Variants in MAST4 observed in about 807,000 individuals in gnomAD.
MAST4 encodes the protein microtubule-associated serine/threonine-protein kinase 4.
MAST4 carries 89 observed loss-of-function variants against 162.7 expected under a neutral mutation model. The observed-to-expected ratio is 0.55, with a 90% confidence interval of 0.46 to 0.65. The LOEUF (loss-of-function observed/expected upper bound fraction) is 0.65. Ranked by LOEUF, MAST4 falls within the 30% of genes least tolerant of loss-of-function variation. The probability of loss-of-function intolerance (pLI) is 0.00; values close to 1 mark genes in which losing one functional copy is unlikely to be tolerated. For synonymous variants in MAST4, 1,479 were observed against 1,361.1 expected (o/e 1.09, Z -1.91); for missense variants, 3,153 against 3,374.0 (o/e 0.93, Z 1.62).
rs568350401 is a variant in MAST4 at position 66,946,355 on chromosome 5, C to T, written c.674+46373C>T. Among the ~76,000 whole-genome samples the T allele has an allele frequency of 2.6e-5, 4 of 152,220 alleles. No individual in the cohort carries two copies. In the East Asian group the frequency reaches 7.7e-4, roughly 29 times the overall value. On this transcript the variant is annotated intron_variant, in intron 4 of 28. Coordinates refer to ENST00000403625, the MANE Select transcript of MAST4 (RefSeq NM_001164664.2). ...GAAATTATTGAACTTCTTTATAGCT[C>T]TTACGAACAAGATATTGATGTTTGC... is the stretch of plus-strand genomic sequence containing the variant.
At chr5:67,114,266 C>T (rs527372562) in intron 12 of MAST4, 47 bp downstream of exon 12, 33 of 1,573,982 alleles carry the variant, frequency 2.1e-5, no homozygotes, top group Admixed American at 1.0e-4. Context: ...TATGCACTGT[C>T]GCCTCATAGA....
chr5:66,811,113 A>C (rs74409946), intron 3 of MAST4, among the ~76,000 whole-genome samples: 7,367 of 152,196 alleles, frequency 0.048, 270 homozygotes, highest in South Asian at 0.13. Flanking sequence ...GAAGTGGCTC[A>C]TGTTGGCCTC....
chr5:66,815,567 G>GT (rs1402268844), intron 3 of MAST4, among the ~76,000 whole-genome samples: 2 of 152,212 alleles, frequency 1.3e-5, no homozygotes, highest in Non-Finnish European at 2.9e-5. Flanking sequence ...TCCCTGGAGT[G>GT]TAAGGGGAGA....
chr5:66,887,256 C>T (rs1179763704), intron 3 of MAST4, among the ~76,000 whole-genome samples: 3 of 152,132 alleles, frequency 2.0e-5, no homozygotes, highest in Admixed American at 1.3e-4. Context: ...GTTTTCAAGG[C>T]TTTTGTTTCT....
At chr5:67,142,359 T>G in intron 20 of MAST4, 62 bp from the exon 21 acceptor site, 2 of 1,512,626 alleles carry the variant, frequency 1.3e-6, no homozygotes, top group African/African-American at 1.4e-5. Flanking sequence ...AAAATCATAA[T>G]TAAAATATCT....
At chr5:66,788,607 C>CCCAGCAAAAAAAAAACAAA in intron 2 of MAST4, 63 bp from the exon 3 acceptor site, 1 of 1,373,728 alleles carries the variant, frequency 7.3e-7, no homozygotes, top group Non-Finnish European at 1.0e-6. Flanking sequence ...CCCCCACCCC[C>CCCAGCAAAAAAAAAACAAA]ATTGCAATAA....
At chr5:66,911,382 A>C (rs1580847926) in intron 4 of MAST4, among the ~76,000 whole-genome samples, 1 of 152,156 alleles carries the variant, frequency 6.6e-6, no homozygotes, top group East Asian at 1.9e-4. Flanking sequence ...GACATATTTA[A>C]AACTTTTTTT....
At position 67,166,076 on chromosome 5, in the gene MAST4, G is replaced by A. The variant is rs781119007; in HGVS notation, c.6897G>A (p.Glu2299=). The A allele has an allele frequency of 1.2e-6, 2 of 1,613,410 alleles. No individual in the cohort carries two copies. The highest frequency in any genetic ancestry group is 1.7e-6 in the Non-Finnish European group (2 of 1,179,696). ...TSGGRPLEVL[E]KPVHLPRPGH... ...GTGGGCGGCCCCTGGAGGTGCTGGAGAAGCCTGTGCATTTGCCAAGGCCGG... is the reference window on the plus strand; with the variant it reads ...GTGGGCGGCCCCTGGAGGTGCTGGAAAAGCCTGTGCATTTGCCAAGGCCGG... The change falls in exon 29 of 29, where the codon GAG becomes GAA. Residue 2299 remains glutamate (E), a synonymous_variant. Coordinates refer to ENST00000403625, the MANE Select transcript of MAST4 (RefSeq NM_001164664.2).
At chr5:67,125,397 CCCCTAG>C (rs1463657307) in intron 14 of MAST4, among the ~76,000 whole-genome samples, 1 of 151,994 alleles carries the variant, frequency 6.6e-6, no homozygotes, top group Non-Finnish European at 1.5e-5. Context: ...TGCTATCCCT[CCCCTAG>C]CCCCCAACTC....
At chr5:66,844,442 G>C (rs1319198913) in intron 3 of MAST4, among the ~76,000 whole-genome samples, 2 of 152,052 alleles carry the variant, frequency 1.3e-5, no homozygotes, top group Non-Finnish European at 2.9e-5. Flanking sequence ...TCCTACTACT[G>C]TTGTCTCTTG....
intron 11 of MAST4, among the ~76,000 whole-genome samples, chr5:67,113,714 C>T (rs1363585845): frequency 6.6e-6 from 1 of 152,128 alleles, no homozygotes; most frequent in African/African-American, 2.4e-5. Context: ...GAAATTGAAT[C>T]TCAAATCTTC....
chr5:67,131,973 A>G (rs1283175975), intron 16 of MAST4, 22 bp downstream of exon 16: 4 of 1,604,128 alleles, frequency 2.5e-6, no homozygotes, highest in South Asian at 2.2e-5. Flanking sequence ...AATGAAATAT[A>G]TGTCTTCTTT....
chr5:67,165,882 T>C lies in MAST4; in HGVS notation c.6703T>C (p.Ser2235Pro). 2.5e-6 allele frequency: 4 copies of C among 1,613,308 alleles called. No individual in the cohort carries two copies. Among genetic ancestry groups the C allele is most frequent in the Non-Finnish European group, 3.4e-6 (4 of 1,179,884 alleles). The stretch of plus-strand genomic sequence containing the variant: ...GCCTGCCACTCAGTCCCTCGGTGGC[T>C]CTAGCAGAGAGGGGAAGGGCCACAG... ...KEPATQSLGGSSREGKGHSKS... is the reference protein window; with the variant it reads ...KEPATQSLGGPSREGKGHSKS... Residue 2235 changes from serine (S) to proline (P), a missense_variant, in exon 29 of 29, where the codon TCT becomes CCT. Ser to Pro is a moderately conservative substitution (Grantham distance 74). Around this residue, in one of 7 missense-constraint regions of MAST4, gnomAD observed 1,644 missense variants for 1,495.0 expected, o/e 1.10. Transcript: ENST00000403625.
Position 66,929,250 on chromosome 5 carries a change from G to C in MAST4, c.674+29268G>C, listed in dbSNP as rs189863645. On this transcript the variant is annotated intron_variant, in intron 4 of 28. Transcript: ENST00000403625. ...TAAGTCCTGGATTCCAAAGGGTGGAGAGTCTGGAGTTCTGATGTTCAAGGG... is the reference window on the plus strand; with the variant it reads ...TAAGTCCTGGATTCCAAAGGGTGGACAGTCTGGAGTTCTGATGTTCAAGGG... 9.6e-4 allele frequency among the ~76,000 whole-genome samples: 146 copies of C among 152,252 alleles called. 2 individuals are homozygous for C. Among genetic ancestry groups the C allele is most frequent in the Non-Finnish European group, 4.4e-4 (30 of 68,000 alleles).
chr5:66,726,391 A>C (rs1309954400), intron 1 of MAST4, among the ~76,000 whole-genome samples: 1 of 152,164 alleles, frequency 6.6e-6, no homozygotes, highest in Non-Finnish European at 1.5e-5. Context: ...TCCTGAGTGG[A>C]ATCTCAAAGG....
chr5:66,655,412 T>G (rs889445758), intron 1 of MAST4, among the ~76,000 whole-genome samples: 1 of 152,164 alleles, frequency 6.6e-6, no homozygotes, highest in African/African-American at 2.4e-5. Flanking sequence ...TAATAAAAGA[T>G]GACAAAGAGC....
intron 5 of MAST4, among the ~76,000 whole-genome samples, chr5:67,080,260 A>C (rs1004071701): frequency 3.3e-5 from 5 of 152,204 alleles, no homozygotes; most frequent in African/African-American, 1.2e-4. Flanking sequence ...AATGATTTAA[A>C]AATTTTAAAT....
rs1174262438 is a variant in MAST4 at position 66,789,395 on chromosome 5, C to T, written c.642+601C>T. Among the ~76,000 whole-genome samples, 4 of 152,272 alleles carry T rather than the reference C, an allele frequency of 2.6e-5. No individual in the cohort carries two copies. The East Asian group carries it at 7.7e-4, about 29-fold the overall frequency. ...TGTCCTTTATAGAATTTTCCCTCTCCAGTGTAGGATCCAGTCTAGGGTCAT... is the reference window on the plus strand; with the variant it reads ...TGTCCTTTATAGAATTTTCCCTCTCTAGTGTAGGATCCAGTCTAGGGTCAT... On this transcript the variant is annotated intron_variant, in intron 3 of 28. Transcript: ENST00000403625.
intron 5 of MAST4, among the ~76,000 whole-genome samples, chr5:67,056,981 G>T (rs1052197206): frequency 6.6e-6 from 1 of 152,114 alleles, no homozygotes; most frequent in African/African-American, 2.4e-5. Flanking sequence ...GGGATCATAG[G>T]CACGAGCCAC....
Sources: gnomAD v4.1 joint callset for allele counts (sites outside exome capture counted in the v4.1 genomes callset) on GRCh38, gnomAD v4.1.1 for gene constraint, gnomAD v4.1.1 regional missense constraint, MANE v1.5 for transcripts, NCBI Gene and HGNC (gene_info 2026-07-23, HGNC 2026-07-21) for gene names.